The following PTPRD variants were observed in gnomAD, a reference collection of about 807,000 sequenced individuals.
The protein encoded by PTPRD is protein tyrosine phosphatase receptor type D, also known as receptor-type tyrosine-protein phosphatase delta.
A neutral mutation model predicts 214.5 loss-of-function variants in PTPRD; 34 were observed. That is an observed-to-expected ratio of 0.16 (90% confidence interval 0.12 to 0.21). The LOEUF is 0.21. PTPRD is among the 10% of genes least tolerant of loss of function. The probability of loss-of-function intolerance (pLI) is 1.00; values close to 1 mark genes in which losing one functional copy is unlikely to be tolerated. For synonymous variants in PTPRD, 1,128 were observed against 845.7 expected (o/e 1.33, Z -5.79); for missense variants, 2,545 against 2,398.7 (o/e 1.06, Z -1.27).
At chr9:8,501,085 G>C in intron 23 of PTPRD, 26 bp from the exon 24 acceptor site, 2 of 1,575,868 alleles carry the variant, frequency 1.3e-6, no homozygotes, top group African/African-American at 1.4e-5. Flanking sequence ...AGTTAAAGGA[G>C]GATTTAAGTG....
intron 34 of PTPRD, 53 bp downstream of exon 34, chr9:8,449,672 T>C (rs1214499188): frequency 1.3e-6 from 2 of 1,504,702 alleles, no homozygotes; most frequent in African/African-American, 1.4e-5. Flanking sequence ...TCAATTGAGC[T>C]GTACAACTTC....
At chr9:10,587,180 A>G (rs756278823) in intron 2 of PTPRD, among the ~76,000 whole-genome samples, 5 of 152,102 alleles carry the variant, frequency 3.3e-5, no homozygotes, top group Non-Finnish European at 5.9e-5. Context: ...AAAGAAGCTG[A>G]CAGCAAAGGT....
At chr9:8,355,003 T>C (rs547321733) in intron 39 of PTPRD, among the ~76,000 whole-genome samples, 5 of 152,294 alleles carry the variant, frequency 3.3e-5, no homozygotes, top group East Asian at 1.9e-4. Context: ...CCTGGTGATA[T>C]AGTTTGGATA....
chr9:9,631,414 A>G (rs1307973356), intron 7 of PTPRD, among the ~76,000 whole-genome samples: 1 of 152,136 alleles, frequency 6.6e-6, no homozygotes, highest in Non-Finnish European at 1.5e-5. Context: ...GCCACAAGTT[A>G]TTCTTTCAAA....
At chr9:9,098,694 C>A (rs868839414) in intron 10 of PTPRD, among the ~76,000 whole-genome samples, 1 of 152,060 alleles carries the variant, frequency 6.6e-6, no homozygotes, top group Non-Finnish European at 1.5e-5. Flanking sequence ...AAACTCTTGG[C>A]AACTATGTGG....
At chr9:9,040,577 G>T (rs1569491508) in intron 10 of PTPRD, among the ~76,000 whole-genome samples, 2 of 87,698 alleles carry the variant, frequency 2.3e-5, no homozygotes, top group Non-Finnish European at 5.1e-5. Flanking sequence ...AGTTCCCGAA[G>T]AATTTTTTTT....
At chr9:8,652,630 T>C (rs1379439158) in intron 12 of PTPRD, among the ~76,000 whole-genome samples, 1 of 152,222 alleles carries the variant, frequency 6.6e-6, no homozygotes, top group Non-Finnish European at 1.5e-5. Flanking sequence ...CTAAAAATAC[T>C]GTTATAAATA....
intron 35 of PTPRD, among the ~76,000 whole-genome samples, chr9:8,415,616 A>G (rs1423659170): frequency 2.6e-5 from 4 of 152,116 alleles, no homozygotes; most frequent in Non-Finnish European, 5.9e-5. Flanking sequence ...CGTGTCTCCA[A>G]ATGTAATATA....
At chr9:10,402,939 T>G (rs1235789597) in intron 2 of PTPRD, among the ~76,000 whole-genome samples, 1 of 151,468 alleles carries the variant, frequency 6.6e-6, no homozygotes, top group Non-Finnish European at 1.5e-5. Context: ...TTGGTGTGCT[T>G]CTTTCGCTTT....
intron 44 of PTPRD, among the ~76,000 whole-genome samples, chr9:8,322,936 T>C (rs913740426): frequency 6.6e-6 from 1 of 152,130 alleles, no homozygotes; most frequent in Non-Finnish European, 1.5e-5. Flanking sequence ...CCTAGGGCTC[T>C]CAAGAATTAC....
intron 36 of PTPRD, among the ~76,000 whole-genome samples, chr9:8,403,957 C>T (rs111754712): frequency 5.9e-5 from 9 of 152,276 alleles, no homozygotes; most frequent in African/African-American, 2.2e-4. Flanking sequence ...AACCTCAATT[C>T]GCTTCCCATA....
intron 3 of PTPRD, among the ~76,000 whole-genome samples, chr9:10,181,591 A>C (rs2099287801): frequency 6.6e-6 from 1 of 152,072 alleles, no homozygotes; most frequent in Non-Finnish European, 1.5e-5. Context: ...ATATAAGAGC[A>C]AAAATAGAGA....
chr9:9,918,897 C>G (rs2081739601), intron 5 of PTPRD, among the ~76,000 whole-genome samples: 1 of 151,990 alleles, frequency 6.6e-6, no homozygotes, highest in African/African-American at 2.4e-5. Context: ...AACATCAATT[C>G]AAAATTAATC....
chr9:9,643,045 T>C (rs1301569208), intron 7 of PTPRD, among the ~76,000 whole-genome samples: 3 of 152,184 alleles, frequency 2.0e-5, no homozygotes, highest in Non-Finnish European at 4.4e-5. Flanking sequence ...AAATATGAGT[T>C]TCCATGAGCA....
chr9:8,422,718 A>G (rs2094444703), intron 35 of PTPRD, among the ~76,000 whole-genome samples: 1 of 152,234 alleles, frequency 6.6e-6, no homozygotes, highest in Non-Finnish European at 1.5e-5. Flanking sequence ...GGATCAATAC[A>G]GAAGGAATAG....
chr9:10,470,139 A>C lies in PTPRD; in HGVS notation c.-599-129122T>G, dbSNP rs75605945. On this transcript the variant is annotated intron_variant, in intron 2 of 45. Transcript: ENST00000381196. ...ATATGGAATAGTCCCAACACAAACAAATGACAAATGTTTGAGGTAATGGAT... is the reference window on the plus strand; with the variant it reads ...ATATGGAATAGTCCCAACACAAACACATGACAAATGTTTGAGGTAATGGAT... Among the ~76,000 whole-genome samples the C allele has an allele frequency of 1.4e-3, 213 of 152,256 alleles. 2 individuals are homozygous for C. In the East Asian group the frequency reaches 0.034, roughly 24 times the overall value.
intron 8 of PTPRD, among the ~76,000 whole-genome samples, chr9:9,564,034 C>G (rs1201111151): frequency 1.3e-5 from 2 of 151,980 alleles, no homozygotes; most frequent in South Asian, 4.2e-4. Context: ...TTATATTTAC[C>G]AAGTTTTCCA....
chr9:9,532,785 G>A (rs2075761218), intron 8 of PTPRD, among the ~76,000 whole-genome samples: 1 of 152,080 alleles, frequency 6.6e-6, no homozygotes, highest in South Asian at 2.1e-4. Context: ...GTACACATTA[G>A]CACCCTTGGA....
At chr9:8,644,524 G>C (rs376647410) in intron 12 of PTPRD, among the ~76,000 whole-genome samples, 3 of 151,968 alleles carry the variant, frequency 2.0e-5, no homozygotes, top group African/African-American at 7.3e-5. Context: ...CAGATGAAGA[G>C]AAGGAGAGAA....
Sources: allele counts gnomAD v4.1 joint callset (sites outside exome capture counted in the v4.1 genomes callset), GRCh38; gene constraint gnomAD v4.1.1; transcripts MANE v1.5; gene names NCBI Gene and HGNC (gene_info 2026-07-23, HGNC 2026-07-21).